The following TMEM117 variants were observed in gnomAD, a reference collection of about 807,000 sequenced individuals.
TMEM117 encodes transmembrane protein 117.
TMEM117 carries 27 observed loss-of-function variants against 52.4 expected under a neutral mutation model. The ratio of observed to expected loss-of-function variants is 0.51; its 90% confidence interval spans 0.38 to 0.71. TMEM117 has a LOEUF of 0.71. Among genes scored for constraint, TMEM117 ranks in the 30% least tolerant of loss-of-function variants. TMEM117 has a pLI of 0.00. For synonymous variants in TMEM117, 215 were observed against 206.3 expected (o/e 1.04, Z -0.36); for missense variants, 556 against 630.5 (o/e 0.88, Z 1.26).
chr12:44,137,573 A>G (rs1274439680), intron 3 of TMEM117, among the ~76,000 whole-genome samples: 3 of 152,156 alleles, frequency 2.0e-5, no homozygotes, highest in African/African-American at 7.2e-5. Context: ...CAGAGGTTTA[A>G]TGGACTTACA....
chr12:44,233,397 T>C (rs1192036906), intron 5 of TMEM117, among the ~76,000 whole-genome samples: 1 of 151,298 alleles, frequency 6.6e-6, no homozygotes, highest in Non-Finnish European at 1.5e-5. Context: ...TTTATTTTCT[T>C]GTTTTCTTTT....
intron 3 of TMEM117, among the ~76,000 whole-genome samples, chr12:43,964,924 A>G (rs1248385332): frequency 6.6e-6 from 1 of 152,214 alleles, no homozygotes; most frequent in Non-Finnish European, 1.5e-5. Context: ...CTTTATGGAG[A>G]TATGGATAAA....
intron 3 of TMEM117, 30 bp from the exon 4 acceptor site, chr12:44,143,495 G>T: frequency 6.4e-7 from 1 of 1,557,988 alleles, no homozygotes; most frequent in Non-Finnish European, 8.8e-7. Flanking sequence ...CTCTGAGTCC[G>T]GACAATGTCT....
chr12:44,125,144 G>A (rs1477019596), intron 3 of TMEM117, among the ~76,000 whole-genome samples: 3 of 151,688 alleles, frequency 2.0e-5, no homozygotes, highest in Non-Finnish European at 4.4e-5. Flanking sequence ...TTGCTCTTTC[G>A]CCCAGGCTGG....
rs553153036 is a variant in TMEM117 at position 44,045,627 on chromosome 12, G to A, written c.411-97898G>A. Among the ~76,000 whole-genome samples, 11 of 152,172 alleles carry A rather than the reference G, an allele frequency of 7.2e-5. No individual in the cohort carries two copies. The South Asian group carries it at 1.5e-3, about 20-fold the overall frequency. On this transcript the variant is annotated intron_variant, in intron 3 of 7. Transcript: ENST00000266534. ...GGGAGGCTTGAGGCGGTTGGATCACGAGGTCAGGAGTTCAAGACCAGCCTG... is the reference window on the plus strand; with the variant it reads ...GGGAGGCTTGAGGCGGTTGGATCACAAGGTCAGGAGTTCAAGACCAGCCTG...
chr12:43,798,741 C>T, the TMEM117 span, among the ~76,000 whole-genome samples: 1 of 151,988 alleles, frequency 6.6e-6, no homozygotes, highest in East Asian at 1.9e-4. Context: ...AGACTGATTC[C>T]TACTGTCTGT....
At chr12:43,804,661 G>A in the TMEM117 span, 2 of 852,020 alleles carry the variant, frequency 2.3e-6, no homozygotes, top group Non-Finnish European at 3.6e-6. Flanking sequence ...AGAATACAAA[G>A]AAAAAATCTG....
At chr12:44,006,306 G>T (rs1946194910) in intron 3 of TMEM117, among the ~76,000 whole-genome samples, 1 of 152,164 alleles carries the variant, frequency 6.6e-6, no homozygotes, top group South Asian at 2.1e-4. Flanking sequence ...TGCTTGCAAG[G>T]TACCTAGATC....
intron 1 of TMEM117, among the ~76,000 whole-genome samples, chr12:43,837,131 AT>A (rs1482705858): frequency 6.6e-6 from 1 of 151,908 alleles, no homozygotes; most frequent in Non-Finnish European, 1.5e-5. Flanking sequence ...GTAATTATGG[AT>A]TTTGACATTT....
At chr12:44,300,208 T>C (rs1051579540) in intron 6 of TMEM117, among the ~76,000 whole-genome samples, 1 of 152,250 alleles carries the variant, frequency 6.6e-6, no homozygotes, top group Non-Finnish European at 1.5e-5. Flanking sequence ...TGTTACTTTC[T>C]TTCAGTATTC....
At chr12:44,296,463 G>A (rs903751173) in intron 5 of TMEM117, among the ~76,000 whole-genome samples, 4 of 152,208 alleles carry the variant, frequency 2.6e-5, no homozygotes, top group African/African-American at 7.2e-5. Flanking sequence ...GCCGAGCAGG[G>A]CTGGAGCTGG....
chr12:44,062,629 A>T (rs918809647), intron 3 of TMEM117, among the ~76,000 whole-genome samples: 2 of 152,210 alleles, frequency 1.3e-5, no homozygotes, highest in African/African-American at 4.8e-5. Flanking sequence ...TAAAGTTCCC[A>T]CTGAGGAGAT....
At chr12:44,078,915 A>C (rs1382648616) in intron 3 of TMEM117, among the ~76,000 whole-genome samples, 1 of 127,036 alleles carries the variant, frequency 7.9e-6, no homozygotes, top group Non-Finnish European at 1.5e-5. Context: ...CCCTGTGTCC[A>C]TGTATTCTCA....
chr12:44,268,143 CTT>C (rs759345644), intron 5 of TMEM117, among the ~76,000 whole-genome samples: 2 of 145,322 alleles, frequency 1.4e-5, no homozygotes, highest in Admixed American at 6.9e-5. Flanking sequence ...ATCATGACAT[CTT>C]TTTTTTTTTT....
intron 1 of TMEM117, among the ~76,000 whole-genome samples, chr12:43,836,898 A>G (rs962196964): frequency 1.3e-5 from 2 of 152,128 alleles, no homozygotes; most frequent in African/African-American, 2.4e-5. Flanking sequence ...TGTTGAATAT[A>G]AGGGTATGTA....
At chr12:44,001,219 C>T (rs1412794310) in intron 3 of TMEM117, among the ~76,000 whole-genome samples, 2 of 152,142 alleles carry the variant, frequency 1.3e-5, no homozygotes, top group African/African-American at 2.4e-5. Flanking sequence ...ATATTAAGTT[C>T]ACATTTAACC....
At chr12:43,884,426 A>G (rs1204120607) in intron 2 of TMEM117, among the ~76,000 whole-genome samples, 9 of 152,228 alleles carry the variant, frequency 5.9e-5, no homozygotes, top group Non-Finnish European at 1.5e-5. Context: ...TTAGATTTAT[A>G]GTATTTGTTT....
At chr12:43,937,508 A>G (rs1362404174) in intron 2 of TMEM117, among the ~76,000 whole-genome samples, 2 of 152,178 alleles carry the variant, frequency 1.3e-5, no homozygotes, top group Non-Finnish European at 1.5e-5. Context: ...AATATAGGGT[A>G]TACAGAAATG....
chr12:43,897,781 A>AT (rs60455973), intron 2 of TMEM117, among the ~76,000 whole-genome samples: 3 of 150,446 alleles, frequency 2.0e-5, no homozygotes, highest in African/African-American at 7.4e-5. Flanking sequence ...TAATTTTTGT[A>AT]TTTTTTTTTT....
Sources: allele counts gnomAD v4.1 joint callset (sites outside exome capture counted in the v4.1 genomes callset), GRCh38; gene constraint gnomAD v4.1.1; transcripts MANE v1.5; gene names NCBI Gene and HGNC (gene_info 2026-07-23, HGNC 2026-07-21).